The following YBX3 variants were observed in gnomAD, a reference collection of about 807,000 sequenced individuals.
YBX3 encodes Y-box binding protein 3.
Under a neutral mutation model 42.4 loss-of-function variants are expected in YBX3, and 29 were observed. The ratio of observed to expected loss-of-function variants is 0.68; its 90% confidence interval spans 0.51 to 0.93. The LOEUF is 0.93. Among genes scored for constraint, YBX3 ranks in the 40% least tolerant of loss-of-function variants. YBX3 has a pLI of 0.00. For synonymous variants in YBX3, 195 were observed against 189.8 expected, an observed-to-expected ratio of 1.03 and a Z score of -0.22; for missense variants, 517 against 527.5, an observed-to-expected ratio of 0.98 and a Z score of 0.19.
chr12:10,704,191 G>A, intron 6 of YBX3, 43 bp from the exon 7 acceptor site: 1 of 1,544,560 alleles, frequency 6.5e-7, no homozygotes, highest in Non-Finnish European at 9.0e-7. Context: ...CACAGCACAG[G>A]GGATAAGATA....
rs1344240210 is a variant in YBX3, at chr12:10,699,276, C to T, written c.*413G>A. Reference sequence around the variant, plus strand: ...CACCAGCATCCAAAATGAACAAAAACGGAAAAAAAAGCATTTACTATATAT... The same window carrying T: ...CACCAGCATCCAAAATGAACAAAAATGGAAAAAAAAGCATTTACTATATAT... On this transcript the variant is annotated 3_prime_UTR_variant, in exon 10 of 10. Coordinates refer to ENST00000228251, the MANE Select transcript of YBX3 (RefSeq NM_003651.5). 1 of 150,106 alleles carries T rather than the reference C, an allele frequency of 6.7e-6. No individual in the cohort carries two copies. Among genetic ancestry groups the T allele is most frequent in the Non-Finnish European group, 1.5e-5 (1 of 67,496 alleles). The allele number at this position is 150,106 out of a possible 1,614,324, so 9.3% of individuals were successfully genotyped here.
intron 3 of YBX3, among the ~76,000 whole-genome samples, chr12:10,716,562 A>G (rs557058506): frequency 2.6e-5 from 4 of 152,328 alleles, no homozygotes; most frequent in Admixed American, 1.3e-4. Flanking sequence ...TTGTTCCATC[A>G]ATGAAGGCAG....
chr12:10,716,750 G>C (rs1454309777), intron 3 of YBX3, among the ~76,000 whole-genome samples: 1 of 152,160 alleles, frequency 6.6e-6, no homozygotes, highest in East Asian at 1.9e-4. Context: ...CAACAGAGCA[G>C]AGACCTCACC....
At chr12:10,717,856 T>C in intron 3 of YBX3, 1 of 360,806 alleles carries the variant, frequency 2.8e-6, no homozygotes, top group Non-Finnish European at 4.9e-6. Flanking sequence ...TAACCAAATA[T>C]CACTTTATAC....
At chr12:10,706,440 A>C (rs772191593) in intron 6 of YBX3, among the ~76,000 whole-genome samples, 16 of 152,174 alleles carry the variant, frequency 1.1e-4, no homozygotes, top group Admixed American at 2.0e-4. Context: ...AGTTCATTCT[A>C]TTTAAACTTT....
chr12:10,703,268 T>C (rs1948101012), intron 7 of YBX3: 1 of 152,368 alleles, frequency 6.6e-6, no homozygotes, highest in Non-Finnish European at 1.5e-5. Context: ...ATAAACATCA[T>C]TCAGGAAGAA....
At chr12:10,713,051 T>C in intron 5 of YBX3, 160 bp downstream of exon 5, 1 of 1,030,344 alleles carries the variant, frequency 9.7e-7, no homozygotes, top group Non-Finnish European at 1.3e-6. Context: ...ATACACATTT[T>C]AAAAAATAAG....
At chr12:10,718,187 T>C (rs1948284812) in intron 2 of YBX3, 66 bp from the exon 3 acceptor site, 12 of 1,484,174 alleles carry the variant, frequency 8.1e-6, no homozygotes, top group Non-Finnish European at 9.3e-6. Flanking sequence ...AAAGAACCTA[T>C]GTGTTATGAA....
chr12:10,721,104 T>C (rs549449571), intron 1 of YBX3, among the ~76,000 whole-genome samples: 45 of 152,206 alleles, frequency 3.0e-4, no homozygotes, highest in Non-Finnish European at 3.4e-4. Flanking sequence ...TTGTGCCTAG[T>C]ACATCTTAGG....
At chr12:10,702,233 G>T (rs1448309491) in intron 7 of YBX3, 99 bp from the exon 8 acceptor site, 2 of 1,276,438 alleles carry the variant, frequency 1.6e-6, no homozygotes, top group Non-Finnish European at 2.1e-6. Flanking sequence ...AAAGTCAAGT[G>T]ATCAGGGCCA....
intron 7 of YBX3, chr12:10,703,671 C>T (rs1555159033): frequency 8.7e-6 from 3 of 344,046 alleles, no homozygotes; most frequent in South Asian, 2.4e-5. Flanking sequence ...CTGATTTAAC[C>T]CCTCTACTGG....
In YBX3 at chr12:10,707,885, C is replaced by T. The variant is rs1267981741; in HGVS notation, c.780+2023G>A. The stretch of plus-strand genomic sequence containing the variant: ...AAAGACTGACAGAAACAGCAATTAA[C>T]GTGTATAAAGGATGAGAGTCTGCCA... On this transcript the variant is annotated intron_variant, in intron 6 of 9. Coordinates refer to ENST00000228251, the MANE Select transcript of YBX3 (RefSeq NM_003651.5). 3.9e-5 allele frequency among the ~76,000 whole-genome samples: 6 copies of T among 152,124 alleles called. No homozygotes were observed. In the East Asian group the frequency reaches 5.8e-4, roughly 15 times the overall value.
In YBX3 at chr12:10,710,002, CG is replaced by C; in HGVS notation, c.685del (p.Arg229AlafsTer39). ...GAACCGCCGCTGCCGGTACTGAGGG[CG>C]ATACTGGGGGCGGCGCAGCTGATTC... The part of the protein sequence containing the change: ...ARNQLRRPQY[R>X]PQYRQRRFPP... On this transcript the variant is annotated frameshift_variant, in exon 6 of 10. Transcript: ENST00000228251. LOFTEE classifies it high-confidence loss of function. The C allele has an allele frequency of 6.2e-7, 1 of 1,612,276 alleles. No homozygotes were observed. The highest frequency in any genetic ancestry group is 8.5e-7 in the Non-Finnish European group (1 of 1,178,258).
intron 8 of YBX3, among the ~76,000 whole-genome samples, chr12:10,701,702 T>G (rs1948081108): frequency 6.6e-6 from 1 of 152,222 alleles, no homozygotes; most frequent in Non-Finnish European, 1.5e-5. Flanking sequence ...GATAAATGCC[T>G]CTCTTCTTTG....
chr12:10,721,119 T>C (rs931373865), intron 1 of YBX3, among the ~76,000 whole-genome samples: 1 of 152,244 alleles, frequency 6.6e-6, no homozygotes, highest in Non-Finnish European at 1.5e-5. Flanking sequence ...CTTAGGCATC[T>C]ATGTGTTTGC....
At chr12:10,704,193 GA>G (rs1565586111) in intron 6 of YBX3, 45 bp from the exon 7 acceptor site, 2 of 1,538,086 alleles carry the variant, frequency 1.3e-6, no homozygotes, top group Non-Finnish European at 1.8e-6. Flanking sequence ...CAGCACAGGG[GA>G]TAAGATACAG....
At chr12:10,712,242 C>T (rs1474971830) in intron 5 of YBX3, 11 of 152,164 alleles carry the variant, frequency 7.2e-5, no homozygotes, top group Admixed American at 5.9e-4. Flanking sequence ...GACAAACATT[C>T]GGAGTTTTCT....
chr12:10,719,176 T>C (rs757437940), intron 1 of YBX3, 33 bp from the exon 2 acceptor site: 10 of 1,572,910 alleles, frequency 6.4e-6, no homozygotes, highest in South Asian at 5.6e-5. Flanking sequence ...AATTAGTATC[T>C]GACCTACAGA....
At chr12:10,722,766 G>A in intron 1 of YBX3, 84 bp downstream of exon 1, 1 of 1,203,646 alleles carries the variant, frequency 8.3e-7, no homozygotes, top group East Asian at 3.1e-5. Context: ...GGTGGGAGAT[G>A]TAGCGCGAGC....
Sources: allele counts gnomAD v4.1 joint callset (sites outside exome capture counted in the v4.1 genomes callset), GRCh38; gene constraint gnomAD v4.1.1; transcripts MANE v1.5; gene names NCBI Gene and HGNC (gene_info 2026-07-23, HGNC 2026-07-21).